Variants in MICAL3 observed in about 807,000 individuals in gnomAD.
The protein encoded by MICAL3 is [F-actin]-monooxygenase MICAL3.
A neutral mutation model predicts 207.4 loss-of-function variants in MICAL3; 62 were observed. The observed-to-expected ratio is 0.30, with a 90% CI of 0.24 to 0.37. MICAL3 has a LOEUF of 0.37. Among genes scored for constraint, MICAL3 ranks in the 10% least tolerant of loss-of-function variants. The pLI is 1.00. For synonymous variants in MICAL3, 1,077 were observed against 1,069.3 expected (o/e 1.01, Z -0.14); for missense variants, 2,368 against 2,635.6 (o/e 0.90, Z 2.22).
At chr22:17,997,828 C>T (rs531745062) in intron 1 of MICAL3, among the ~76,000 whole-genome samples, 2 of 152,138 alleles carry the variant, frequency 1.3e-5, no homozygotes, top group African/African-American at 4.8e-5. Context: ...GCACCTAGCA[C>T]AGATTCCTGC....
chr22:17,856,490 C>T (rs1925901254), intron 19 of MICAL3, among the ~76,000 whole-genome samples: 1 of 152,184 alleles, frequency 6.6e-6, no homozygotes, highest in Non-Finnish European at 1.5e-5. Flanking sequence ...CCCTCCACCC[C>T]AGCGTTCCCG....
chr22:17,877,427 G>A lies in MICAL3; in HGVS notation c.2242-5404C>T, dbSNP rs62240568. On this transcript the variant is annotated intron_variant, in intron 16 of 31. Transcript: ENST00000441493. ...TTAGGGAAGTTATGGAGGTTAGGGA[G>A]ATTATGGAGGTGAGGGAGGTTATGG... Among the ~76,000 whole-genome samples the A allele has an allele frequency of 1.9e-4, 7 of 37,098 alleles. 1 individual carries two copies. Among genetic ancestry groups the A allele is most frequent in the Admixed American group, 6.0e-4 (3 of 5,000 alleles). The allele number at this position is 37,098 out of a possible 152,430, so 24.3% of individuals were successfully genotyped here. A position where few individuals can be genotyped will look rare whatever the true frequency, so the allele number is the denominator to read the frequency against.
At chr22:17,864,789 T>C (rs1926897113) in intron 19 of MICAL3, 110 bp downstream of exon 19, 5 of 1,613,946 alleles carry the variant, frequency 3.1e-6, no homozygotes, top group South Asian at 2.2e-5. Flanking sequence ...GGGCCACTTG[T>C]TGCCCGAATG....
At chr22:18,002,611 C>T (rs1923113543) in intron 1 of MICAL3, among the ~76,000 whole-genome samples, 1 of 152,076 alleles carries the variant, frequency 6.6e-6, no homozygotes, top group South Asian at 2.1e-4. Context: ...CCAGCCTGGA[C>T]AACAGAGTGA....
At position 17,895,430 on chromosome 22, in the gene MICAL3, T is replaced by C; in HGVS notation, c.1323-20A>G. ...CTTTCCCTGCAATAACACAACAATA[T>C]ACTCAGAATCGGGACCAGCACCATG... On this transcript the variant is annotated intron_variant, in intron 9 of 31. Coordinates refer to ENST00000441493, the MANE Select transcript of MICAL3 (RefSeq NM_015241.3). 6.2e-7 allele frequency: 1 copy of C among 1,612,814 alleles called. No individual in the cohort carries two copies. The highest frequency in any genetic ancestry group is 2.2e-5 in the East Asian group (1 of 44,840).
At chr22:17,794,585 C>T (rs1394455443) in intron 29 of MICAL3, among the ~76,000 whole-genome samples, 1 of 152,214 alleles carries the variant, frequency 6.6e-6, no homozygotes, top group Admixed American at 6.5e-5. Flanking sequence ...TCACTGTCCC[C>T]TCTCTCCCCC....
chr22:17,939,314 C>T (rs1933701704), intron 1 of MICAL3, among the ~76,000 whole-genome samples: 1 of 152,218 alleles, frequency 6.6e-6, no homozygotes, highest in East Asian at 1.9e-4. Flanking sequence ...CTGTTACAAG[C>T]AACAGAAAAC....
At chr22:17,826,512 G>A (rs1360129469) in intron 22 of MICAL3, 13 of 985,782 alleles carry the variant, frequency 1.3e-5, no homozygotes, top group East Asian at 2.3e-4. Context: ...AGGGAAGGTC[G>A]GGCACTGAAT....
intron 1 of MICAL3, among the ~76,000 whole-genome samples, chr22:17,967,435 G>A (rs1935190304): frequency 6.7e-6 from 1 of 150,008 alleles, no homozygotes; most frequent in Non-Finnish European, 1.5e-5. Context: ...TGGATTCACA[G>A]TCTTGGCCAC....
intron 16 of MICAL3, among the ~76,000 whole-genome samples, chr22:17,878,428 A>T (rs1385300090): frequency 6.6e-6 from 1 of 152,164 alleles, no homozygotes; most frequent in African/African-American, 2.4e-5. Context: ...CCGACCCAGC[A>T]CCAGGTTCAG....
In MICAL3 at chr22:17,818,223, C is replaced by T. The variant is rs372948943; in HGVS notation, c.4438G>A (p.Glu1480Lys). The T allele has an allele frequency of 1.9e-5, 28 of 1,457,780 alleles. No homozygotes were observed. The highest frequency in any genetic ancestry group is 1.2e-4 in the South Asian group (10 of 83,052). 90.3% of individuals were successfully genotyped at this position (1,457,780 alleles called of 1,614,324 possible). The change falls in exon 26 of 32, where the codon GAG becomes AAG. Residue 1480 changes from glutamate (E) to lysine (K), a missense_variant. Physicochemically the swap from Glu to Lys is moderately conservative, Grantham distance 56 (BLOSUM62 1). This residue lies in a region of MICAL3 where 1,770 missense variants were observed against 1,863.2 expected (regional missense o/e 0.95). Coordinates refer to ENST00000441493, the MANE Select transcript of MICAL3 (RefSeq NM_015241.3). ...ATLRRKLREA[E>K]PNASVVPPPL... ...GGCGGGACCACCGAGGCATTGGGCT[C>T]GGCCTCCCTGAGCTTCCTCCGCAAG... is the stretch of plus-strand genomic sequence containing the variant.
chr22:17,989,083 C>T (rs576304346), intron 1 of MICAL3, among the ~76,000 whole-genome samples: 2 of 152,150 alleles, frequency 1.3e-5, no homozygotes, highest in African/African-American at 4.8e-5. Context: ...ACTCGACTTC[C>T]GCCGTCGCTC....
At chr22:17,861,134 G>A (rs2146128504) in intron 19 of MICAL3, 7 of 985,376 alleles carry the variant, frequency 7.1e-6, no homozygotes, top group East Asian at 2.3e-4. Context: ...GGAAGGGGAC[G>A]TGGGAAGCAG....
intron 29 of MICAL3, among the ~76,000 whole-genome samples, chr22:17,794,463 C>T (rs368949658): frequency 3.3e-4 from 50 of 152,382 alleles, no homozygotes; most frequent in African/African-American, 1.1e-3. Flanking sequence ...GGGGGCAGCA[C>T]GCCATCCGGT....
chr22:17,841,996 T>A lies in MICAL3; in HGVS notation c.2627A>T (p.Glu876Val). The A allele has an allele frequency of 6.2e-7, 1 of 1,603,590 alleles. No homozygotes were observed. Among genetic ancestry groups the A allele is most frequent in the Non-Finnish European group, 8.5e-7 (1 of 1,179,462 alleles). Residue 876 changes from glutamate to valine, a missense_variant, in exon 20 of 32, where the codon GAG becomes GTG. Around this residue, in one of 4 missense-constraint regions of MICAL3, gnomAD observed 1,770 missense variants for 1,863.2 expected, o/e 0.95. Transcript: ENST00000441493. The surrounding 1 kb of genome is among the most constrained non-coding windows in gnomAD (Gnocchi z 4.2). ...CAGTCGCTTGGCGATGCTGGGCTCC[T>A]CCAGGCCGTTCACGCCTGAACCTGC... Reference protein sequence around the residue: ...RTPGSGVNGLEEPSIAKRLRG... With the variant: ...RTPGSGVNGLVEPSIAKRLRG...
intron 1 of MICAL3, among the ~76,000 whole-genome samples, chr22:17,984,319 C>T (rs1190730911): frequency 6.6e-6 from 1 of 152,262 alleles, no homozygotes; most frequent in Non-Finnish European, 1.5e-5. Flanking sequence ...CTGCTGCCAG[C>T]CAGGCCAACA....
intron 25 of MICAL3, among the ~76,000 whole-genome samples, chr22:17,819,534 T>C (rs1466763406): frequency 6.6e-6 from 1 of 152,098 alleles, no homozygotes; most frequent in Non-Finnish European, 1.5e-5. Context: ...CACAGCTATT[T>C]ATCACGGTGC....
intron 19 of MICAL3, among the ~76,000 whole-genome samples, chr22:17,854,401 C>T (rs1160238016): frequency 1.3e-5 from 2 of 152,142 alleles, no homozygotes; most frequent in African/African-American, 2.4e-5. Flanking sequence ...CCAAACAGGC[C>T]GACCAACCAA....
Position 17,816,776 on chromosome 22 carries a change from G to A in MICAL3, c.5359C>T (p.Leu1787Phe). 6.5e-7 allele frequency: 1 copy of A among 1,550,290 alleles called. No individual in the cohort carries two copies. The highest frequency in any genetic ancestry group is 8.7e-7 in the Non-Finnish European group (1 of 1,146,990). Residue 1787 changes from leucine to phenylalanine, a missense_variant, in exon 27 of 32, where the codon CTC becomes TTC. Leu to Phe is a conservative substitution (Grantham distance 22). Coordinates refer to ENST00000441493, the MANE Select transcript of MICAL3 (RefSeq NM_015241.3). ...VLPVVRAELQ[L>F]RRQLSFSEDS... ...TCGGAGAAGCTCAGCTGGCGCCGGAGCTGCAGCTCTGTGGAGAGAGGGAGG... is the reference window on the plus strand; with the variant it reads ...TCGGAGAAGCTCAGCTGGCGCCGGAACTGCAGCTCTGTGGAGAGAGGGAGG...
Sources: gnomAD v4.1 joint callset for allele counts (sites outside exome capture counted in the v4.1 genomes callset) on GRCh38, gnomAD v4.1.1 for gene constraint, gnomAD v4.1.1 regional missense constraint, Gnocchi (gnomAD v3.1) non-coding constraint, MANE v1.5 for transcripts, NCBI Gene and HGNC (gene_info 2026-07-23, HGNC 2026-07-21) for gene names.